ANO9: variants seen among roughly 807,000 people sequenced by gnomAD.
ANO9 encodes anoctamin 9.
ANO9 carries 80 observed loss-of-function variants against 100.5 expected under a neutral mutation model. That is an observed-to-expected ratio of 0.80 (90% CI 0.66 to 0.96). The LOEUF (loss-of-function observed/expected upper bound fraction) is 0.96. ANO9 is among the 40% of genes least tolerant of loss of function. ANO9 has a pLI of 0.00. For missense variants in ANO9, 1,064 were observed against 1,072.7 expected, an observed-to-expected ratio of 0.99 and a Z score of 0.11; for synonymous variants, 473 against 435.6, an observed-to-expected ratio of 1.09 and a Z score of -1.07.
In ANO9 at chr11:422,821, G is replaced by C. The variant is rs1377630771; in HGVS notation, c.1335-1623C>G. ...TTTTACTTATACAATCTTAAGCCAA[G>C]TCCCACAGAATTTTTTTTTTTTTTT... On this transcript the variant is annotated intron_variant, in intron 15 of 22. Coordinates refer to ENST00000332826, the MANE Select transcript of ANO9 (RefSeq NM_001012302.3). This position sits in a 1 kb window ranked among gnomAD's most constrained non-coding sequence, Gnocchi z 4.3. Among the ~76,000 whole-genome samples the C allele has an allele frequency of 1.3e-5, 2 of 150,764 alleles. No individual in the cohort carries two copies. Among genetic ancestry groups the C allele is most frequent in the African/African-American group, 2.5e-5 (1 of 40,600 alleles).
intron 3 of ANO9, 81 bp from the exon 4 acceptor site, chr11:433,540 C>T: frequency 6.3e-7 from 1 of 1,583,444 alleles, no homozygotes; most frequent in Non-Finnish European, 8.6e-7. Context: ...CCCTCTATTC[C>T]ACCTCAGAAC....
In ANO9 at chr11:433,913, A is replaced by G; in HGVS notation, c.106T>C (p.Tyr36His). 1 of 1,563,736 alleles carries G rather than the reference A, an allele frequency of 6.4e-7. No individual in the cohort carries two copies. The highest frequency in any genetic ancestry group is 8.7e-7 in the Non-Finnish European group (1 of 1,154,070). Residue 36 changes from tyrosine (Y) to histidine (H), a missense_variant, in exon 3 of 23, where the codon TAT (tyrosine) becomes CAT (histidine). Coordinates refer to ENST00000332826, the MANE Select transcript of ANO9 (RefSeq NM_001012302.3). ...CETEASEQWD[Y>H]VLVAQRHTQR... The stretch of plus-strand genomic sequence containing the variant: ...GTGTGACGTTGGGCCACGAGGACAT[A>G]GTCCCACTGCTCGGAGGCCTCGGTC...
In ANO9 at chr11:431,708, TG is replaced by T; in HGVS notation, c.524del (p.Pro175GlnfsTer32). The T allele has an allele frequency of 6.2e-7, 1 of 1,612,526 alleles. No homozygotes were observed. Among genetic ancestry groups the T allele is most frequent in the Non-Finnish European group, 8.5e-7 (1 of 1,179,494 alleles). Reference protein sequence around the residue: ...ARWRHMFREQPVDEIRNYFGE... With the variant: ...ARWRHMFREQXVDEIRNYFGE... ...GGCAGCGTTACCTGATTTCATCAACTGGCTGCTCCCGGAACATGTGTCTCCA... is the reference window on the plus strand; with the variant it reads ...GGCAGCGTTACCTGATTTCATCAACTGCTGCTCCCGGAACATGTGTCTCCA... On this transcript the variant is annotated frameshift_variant, in exon 7 of 23. Coordinates refer to ENST00000332826, the MANE Select transcript of ANO9 (RefSeq NM_001012302.3). LOFTEE classifies it high-confidence loss of function.
chr11:433,391 G>A lies in ANO9; in HGVS notation c.273C>T (p.Arg91=). Residue 91 remains arginine, a synonymous_variant, in exon 4 of 23, where the codon CGC becomes CGT. Transcript: ENST00000332826. ...GCCCCTCAGGCTCCAGGAGGAGAGTGCGGTACAGGCCAAAGACACTGTTGT... is the reference window on the plus strand; with the variant it reads ...GCCCCTCAGGCTCCAGGAGGAGAGTACGGTACAGGCCAAAGACACTGTTGT... The part of the protein sequence containing the change: ...RADNSVFGLY[R]TLLLEPEGPA... 2 of 1,613,258 alleles carry A rather than the reference G, an allele frequency of 1.2e-6. No homozygotes were observed. Among genetic ancestry groups the A allele is most frequent in the Non-Finnish European group, 1.7e-6 (2 of 1,179,896 alleles).
intron 20 of ANO9, chr11:419,280 G>A: frequency 7.1e-7 from 1 of 1,414,244 alleles, no homozygotes. Context: ...GGATAAATCA[G>A]AAGAGGACAT....
At position 418,349 on chromosome 11, in the gene ANO9, G is replaced by A. The variant is rs531845750; in HGVS notation, c.*22C>T. ...TGGTGGCACTGTCTCAGCTCCTGGT[G>A]GCCTCTGGACGGGCTCTGGCCCTAC... On this transcript the variant is annotated 3_prime_UTR_variant, in exon 23 of 23. Coordinates refer to ENST00000332826, the MANE Select transcript of ANO9 (RefSeq NM_001012302.3). 1.3e-6 allele frequency: 2 copies of A among 1,560,682 alleles called. No homozygotes were observed. The highest frequency in any genetic ancestry group is 4.6e-5 in the East Asian group (2 of 43,412).
At chr11:430,802 G>A (rs1304008836) in intron 7 of ANO9, among the ~76,000 whole-genome samples, 1 of 76,966 alleles carries the variant, frequency 1.3e-5, no homozygotes, top group Non-Finnish European at 2.7e-5. Context: ...TGGATGTCTG[G>A]GGGGTGTGGG....
At chr11:431,944 T>C (rs1413230471) in intron 5 of ANO9, 38 bp from the exon 6 acceptor site, 1 of 1,611,790 alleles carries the variant, frequency 6.2e-7, no homozygotes, top group East Asian at 2.2e-5. Context: ...GGGAGTGAGG[T>C]GCTGGGAGAA....
intron 19 of ANO9, chr11:420,041 C>G (rs1848077064): frequency 5.3e-6 from 7 of 1,331,214 alleles, no homozygotes; most frequent in African/African-American, 1.5e-5. Flanking sequence ...GACCTTGTAA[C>G]CTGGGCCCGA....
chr11:428,887 G>A (rs1848692782), intron 11 of ANO9, 61 bp from the exon 12 acceptor site: 1 of 1,480,774 alleles, frequency 6.8e-7, no homozygotes, highest in African/African-American at 1.4e-5. Context: ...TGGGGAGACA[G>A]ACACAGAGAC....
In ANO9 at chr11:422,469, CA is replaced by C. The variant is rs1848252774; in HGVS notation, c.1335-1272del. On this transcript the variant is annotated intron_variant, in intron 15 of 22. Coordinates refer to ENST00000332826, the MANE Select transcript of ANO9 (RefSeq NM_001012302.3). The surrounding 1 kb of genome is among the most constrained non-coding windows in gnomAD (Gnocchi z 4.3). The stretch of plus-strand genomic sequence containing the variant: ...TATCTGGGTTTTTCTGGTGTAATCA[CA>C]AGGGTCCCTCTGTGGGGACAGGGAG... Among the ~76,000 whole-genome samples the C allele has an allele frequency of 6.6e-6, 1 of 152,186 alleles. No individual in the cohort carries two copies. The highest frequency in any genetic ancestry group is 2.4e-5 in the African/African-American group (1 of 41,444).
chr11:438,387 C>A (rs1430074458), intron 1 of ANO9, among the ~76,000 whole-genome samples: 6 of 121,516 alleles, frequency 4.9e-5, no homozygotes, highest in African/African-American at 1.2e-4. Context: ...AGGTGTAGCC[C>A]CCCCCCGACT....
At chr11:428,423 C>T (rs1042804949) in intron 13 of ANO9, 29 bp from the exon 14 acceptor site, 3 of 1,612,668 alleles carry the variant, frequency 1.9e-6, no homozygotes, top group African/African-American at 1.3e-5. Context: ...AATGGGCTCA[C>T]TGGGGCTCCG....
At chr11:419,800 C>T in intron 19 of ANO9, 71 bp from the exon 20 acceptor site, 29 of 1,568,098 alleles carry the variant, frequency 1.8e-5, no homozygotes, top group South Asian at 1.2e-4. Context: ...CCCCCACCCC[C>T]GGCCAACACG....
In ANO9 at chr11:422,540, GACTC is replaced by G. The variant is rs1341153053; in HGVS notation, c.1335-1346_1335-1343del. Among the ~76,000 whole-genome samples, 1 of 152,120 alleles carries G rather than the reference GACTC, an allele frequency of 6.6e-6. No individual in the cohort carries two copies. Among genetic ancestry groups the G allele is most frequent in the African/African-American group, 2.4e-5 (1 of 41,350 alleles). On this transcript the variant is annotated intron_variant, in intron 15 of 22. Transcript: ENST00000332826. This position sits in a 1 kb window ranked among gnomAD's most constrained non-coding sequence, Gnocchi z 4.3. ...CTCAGAAGGAATCAGAAGGACTCAG[GACTC>G]ACTCAGAAGGACTCAGCCCCACGCT...
chr11:441,656 C>A (rs1386540930), intron 1 of ANO9, among the ~76,000 whole-genome samples: 2 of 152,168 alleles, frequency 1.3e-5, no homozygotes, highest in Non-Finnish European at 2.9e-5. Flanking sequence ...GAGAGCCCAG[C>A]CCTGGTGCCC....
Position 418,985 on chromosome 11 carries a change from G to T in ANO9, c.1939C>A (p.Leu647Ile), listed in dbSNP as rs1457004133. The T allele has an allele frequency of 2.5e-6, 4 of 1,613,294 alleles. No individual in the cohort carries two copies. In the South Asian group the frequency reaches 4.4e-5, roughly 18 times the overall value. ...AGGCTGTGGTTGACGTAGCCCTTGA[G>T]GCAGCTGGGGAGAGGGGAGAGGAGT... ...LKEGNSTVDC[L>I]KGYVNHSLSV... Residue 647 changes from leucine to isoleucine, a missense_variant, in exon 21 of 23, where the codon CTC becomes ATC. Transcript: ENST00000332826.
At chr11:441,101 G>A (rs936688278) in intron 1 of ANO9, among the ~76,000 whole-genome samples, 22 of 152,192 alleles carry the variant, frequency 1.4e-4, no homozygotes, top group Non-Finnish European at 3.1e-4. Context: ...TGGATGTGGA[G>A]GGCCGAGGAG....
intron 1 of ANO9, among the ~76,000 whole-genome samples, chr11:434,362 C>T (rs1000258150): frequency 7.2e-5 from 11 of 152,244 alleles, no homozygotes; most frequent in East Asian, 3.9e-4. Flanking sequence ...CAGAGGCCAA[C>T]GGGATTGCAC....
Sources: allele counts gnomAD v4.1 joint callset (sites outside exome capture counted in the v4.1 genomes callset), GRCh38; gene constraint gnomAD v4.1.1; non-coding constraint Gnocchi (gnomAD v3.1); transcripts MANE v1.5; gene names NCBI Gene and HGNC (gene_info 2026-07-23, HGNC 2026-07-21).